ACVR2A: variants seen among roughly 807,000 people sequenced by gnomAD.
ACVR2A encodes activin A receptor type 2A.
A neutral mutation model predicts 61.4 loss-of-function variants in ACVR2A; 7 were observed. The observed-to-expected ratio is 0.11, with a 90% CI of 0.06 to 0.21. The LOEUF is 0.21. Among genes scored for constraint, ACVR2A ranks in the 10% least tolerant of loss-of-function variants. The probability of loss-of-function intolerance (pLI) is 1.00; values close to 1 mark genes in which losing one functional copy is unlikely to be tolerated. For missense variants in ACVR2A, 322 were observed against 621.7 expected (o/e 0.52, Z 5.13); for synonymous variants, 193 against 208.3 (o/e 0.93, Z 0.63).
intron 1 of ACVR2A, among the ~76,000 whole-genome samples, chr2:147,887,063 C>T (rs1686458239): frequency 6.6e-6 from 1 of 151,818 alleles, no homozygotes; most frequent in Admixed American, 6.6e-5. Context: ...ATAAAAATAA[C>T]TAGCAGTATG....
intron 1 of ACVR2A, among the ~76,000 whole-genome samples, chr2:147,861,893 G>C (rs1685734923): frequency 6.9e-6 from 1 of 145,876 alleles, no homozygotes; most frequent in African/African-American, 2.6e-5. Flanking sequence ...AACATTTCTG[G>C]GTAGTTTCCG....
At chr2:147,905,846 AAAGGGAGG>A (rs1305851211) in intron 4 of ACVR2A, among the ~76,000 whole-genome samples, 1 of 152,164 alleles carries the variant, frequency 6.6e-6, no homozygotes, top group East Asian at 1.9e-4. Context: ...CCAAAAGCAA[AAAGGGAGG>A]AAGGGGAGAA....
At chr2:147,894,477 A>AT (rs939916834) in intron 1 of ACVR2A, among the ~76,000 whole-genome samples, 10 of 151,366 alleles carry the variant, frequency 6.6e-5, no homozygotes, top group Admixed American at 2.0e-4. Flanking sequence ...CATTGAGTGG[A>AT]TTTTTTTTTA....
At chr2:147,922,934 TAATG>T (rs1687418807) in intron 8 of ACVR2A, 35 bp from the exon 9 acceptor site, 1 of 1,584,582 alleles carries the variant, frequency 6.3e-7, no homozygotes, top group South Asian at 1.2e-5. Context: ...TTCATAAAGT[TAATG>T]AATGAGTACT....
chr2:147,920,520 T>C (rs1468054282), intron 8 of ACVR2A, among the ~76,000 whole-genome samples, 176 bp downstream of exon 8: 6 of 152,106 alleles, frequency 3.9e-5, no homozygotes, highest in Admixed American at 3.9e-4. Flanking sequence ...ACTCAGGTGG[T>C]TTAGATCAAG....
chr2:147,891,299 C>G (rs1686576488), intron 1 of ACVR2A, among the ~76,000 whole-genome samples: 1 of 152,098 alleles, frequency 6.6e-6, no homozygotes, highest in South Asian at 2.1e-4. Context: ...TGGGATTCTT[C>G]TTTTGGAAAT....
intron 7 of ACVR2A, 59 bp from the exon 8 acceptor site, chr2:147,920,170 TA>T: frequency 8.7e-7 from 1 of 1,149,340 alleles, no homozygotes; most frequent in Non-Finnish European, 1.3e-6. Context: ...CTGCTTTCAA[TA>T]AAAAATTTAA....
rs1478720723 is a variant in ACVR2A, at chr2:147,896,462, A to G, written c.217A>G (p.Ile73Val). ...TWKNISGSIEIVKQGCWLDDI... is the reference protein window; with the variant it reads ...TWKNISGSIEVVKQGCWLDDI... ...GAAGAATATTTCTGGTTCCATTGAA[A>G]TAGTGAAACAAGGTTGTTGGCTGGA... Residue 73 changes from isoleucine to valine, a missense_variant, in exon 2 of 11, where the codon ATA (isoleucine) becomes GTA (valine). This residue lies in a region of ACVR2A where 142 missense variants were observed against 200.3 expected (regional missense o/e 0.71). Coordinates refer to ENST00000241416, the MANE Select transcript of ACVR2A (RefSeq NM_001616.5). 1.9e-6 allele frequency: 3 copies of G among 1,613,870 alleles called. No homozygotes were observed. Among genetic ancestry groups the G allele is most frequent in the African/African-American group, 2.7e-5 (2 of 74,906 alleles).
intron 1 of ACVR2A, among the ~76,000 whole-genome samples, chr2:147,885,442 T>C (rs1366047141): frequency 6.6e-6 from 1 of 152,074 alleles, no homozygotes; most frequent in Non-Finnish European, 1.5e-5. Context: ...TAGAAATTAT[T>C]TGTGGGCAGG....
chr2:147,900,554 T>G (rs1417846989), intron 4 of ACVR2A: 1 of 152,048 alleles, frequency 6.6e-6, no homozygotes, highest in Non-Finnish European at 1.5e-5. Context: ...TCTGGAAATA[T>G]AGGTGTGGAG....
At chr2:147,887,288 A>G (rs1325718943) in intron 1 of ACVR2A, among the ~76,000 whole-genome samples, 2 of 152,054 alleles carry the variant, frequency 1.3e-5, no homozygotes, top group African/African-American at 4.8e-5. Flanking sequence ...ACAGTTTGGG[A>G]AAAAAAGAAC....
At chr2:147,905,163 G>A (rs1363720486) in intron 4 of ACVR2A, among the ~76,000 whole-genome samples, 3 of 151,880 alleles carry the variant, frequency 2.0e-5, no homozygotes, top group African/African-American at 7.2e-5. Flanking sequence ...TAACAGATTG[G>A]TGTGTATCCC....
chr2:147,874,112 A>G (rs1273694848), intron 1 of ACVR2A, among the ~76,000 whole-genome samples: 2 of 151,934 alleles, frequency 1.3e-5, no homozygotes, highest in African/African-American at 4.8e-5. Context: ...ATCAGAATTT[A>G]TTGCTTTGAC....
chr2:147,882,387 C>T (rs546374722), intron 1 of ACVR2A, among the ~76,000 whole-genome samples: 1 of 152,288 alleles, frequency 6.6e-6, no homozygotes, highest in Non-Finnish European at 1.5e-5. Context: ...CCTGTCTCTA[C>T]CAAAAATACA....
chr2:147,849,360 A>G (rs1209800044), intron 1 of ACVR2A, among the ~76,000 whole-genome samples: 1 of 152,146 alleles, frequency 6.6e-6, no homozygotes, highest in Admixed American at 6.5e-5. Flanking sequence ...TATGTTCACT[A>G]TTACATGTTC....
At position 147,920,265 on chromosome 2, in the gene ACVR2A, A is replaced by T; in HGVS notation, c.998A>T (p.Asn333Ile). The change falls in exon 8 of 11, where the codon AAC becomes ATC. Residue 333 changes from asparagine (N) to isoleucine (I), a missense_variant. By Grantham distance (149) the Asn-to-Ile change is moderately radical. Transcript: ENST00000241416. ...IKSKNVLLKN[N>I]LTACIADFGL... The stretch of plus-strand genomic sequence containing the variant: ...AGTAAAAATGTGCTGTTGAAAAACA[A>T]CCTGACAGCTTGCATTGCTGACTTT... 6.2e-7 allele frequency: 1 copy of T among 1,613,614 alleles called. No homozygotes were observed. The highest frequency in any genetic ancestry group is 8.5e-7 in the Non-Finnish European group (1 of 1,179,658).
At chr2:147,889,161 C>A (rs1278499185) in intron 1 of ACVR2A, among the ~76,000 whole-genome samples, 1 of 152,066 alleles carries the variant, frequency 6.6e-6, no homozygotes, top group African/African-American at 2.4e-5. Context: ...GCAGATCCCA[C>A]TTTGCTGTGA....
At chr2:147,859,291 T>G (rs1030465301) in intron 1 of ACVR2A, among the ~76,000 whole-genome samples, 1 of 152,042 alleles carries the variant, frequency 6.6e-6, no homozygotes, top group African/African-American at 2.4e-5. Context: ...TGCTGGGGTT[T>G]GCATCCTAGG....
At position 147,896,516 on chromosome 2, in the gene ACVR2A, C is replaced by A. The variant is rs1239058670; in HGVS notation, c.263+8C>A. ...TATCAACTGCTATGACAGGTAAGAA[C>A]ACATTTAAGATTTTATGGTAGTATT... is the stretch of plus-strand genomic sequence containing the variant. On this transcript the variant is annotated splice_region_variant and intron_variant, in intron 2 of 10. Coordinates refer to ENST00000241416, the MANE Select transcript of ACVR2A (RefSeq NM_001616.5). 2 of 1,613,158 alleles carry A rather than the reference C, an allele frequency of 1.2e-6. No individual in the cohort carries two copies. The highest frequency in any genetic ancestry group is 1.7e-6 in the Non-Finnish European group (2 of 1,179,334).
Sources: gnomAD v4.1 joint callset for allele counts (sites outside exome capture counted in the v4.1 genomes callset) on GRCh38, gnomAD v4.1.1 for gene constraint, gnomAD v4.1.1 regional missense constraint, MANE v1.5 for transcripts, NCBI Gene and HGNC (gene_info 2026-07-23, HGNC 2026-07-21) for gene names.